The following CDH7 variants were observed in gnomAD, a reference collection of about 807,000 sequenced individuals.
CDH7 encodes the protein cadherin 7, also known as cadherin-7.
Under a neutral mutation model 71.8 loss-of-function variants are expected in CDH7, and 25 were observed. The observed-to-expected ratio is 0.35, with a 90% CI of 0.25 to 0.49. The LOEUF (loss-of-function observed/expected upper bound fraction) is 0.49, where lower values mean the gene tolerates loss of function less well. Among genes scored for constraint, CDH7 ranks in the 20% least tolerant of loss-of-function variants. The pLI, the probability that CDH7 is intolerant of heterozygous loss-of-function variation, is 0.99. For missense variants in CDH7, 862 were observed against 974.6 expected, an observed-to-expected ratio of 0.88 and a Z score of 1.54; for synonymous variants, 381 against 363.8, an observed-to-expected ratio of 1.05 and a Z score of -0.54.
intron 2 of CDH7, among the ~76,000 whole-genome samples, chr18:65,808,390 G>A (rs1023159714): frequency 6.6e-6 from 1 of 151,944 alleles, no homozygotes. Context: ...AATAGTTGAA[G>A]AACACACCTT....
At position 65,889,681 on chromosome 18, in the gene CDH7, G is replaced by C. The variant is rs1213815862; in HGVS notation, c.*8787G>C. On this transcript the variant is annotated 3_prime_UTR_variant, in exon 12 of 12. Transcript: ENST00000397968. ...TGTATACTTGCAAAATAACTAAAGA[G>C]TGTATTTAAGATTTAAATATATCTT... is the stretch of plus-strand genomic sequence containing the variant. 1 of 152,162 alleles carries C rather than the reference G, an allele frequency of 6.6e-6. No individual in the cohort carries two copies. Among genetic ancestry groups the C allele is most frequent in the Non-Finnish European group, 1.5e-5 (1 of 68,028 alleles). 9.4% of individuals were successfully genotyped at this position (152,162 alleles called of 1,614,324 possible). A position where few individuals can be genotyped will look rare whatever the true frequency, so the allele number is the denominator to read the frequency against.
chr18:65,793,193 A>C (rs918846569), intron 2 of CDH7, among the ~76,000 whole-genome samples: 18 of 152,104 alleles, frequency 1.2e-4, no homozygotes, highest in African/African-American at 4.1e-4. Context: ...TAATCTCAGC[A>C]CTTTGGGAGG....
chr18:65,825,267 T>C (rs1912085824), intron 6 of CDH7, among the ~76,000 whole-genome samples: 1 of 151,936 alleles, frequency 6.6e-6, no homozygotes, highest in Non-Finnish European at 1.5e-5. Flanking sequence ...GAAAACTTGC[T>C]ACATTACCAA....
chr18:65,775,883 A>C lies in CDH7; in HGVS notation c.210+12831A>C, dbSNP rs191300845. Among the ~76,000 whole-genome samples, 74 of 152,318 alleles carry C rather than the reference A, an allele frequency of 4.9e-4. 1 individual carries two copies. The highest frequency in any genetic ancestry group is 1.5e-3 in the African/African-American group (62 of 41,584). ...TTCCTTGTTCTCTCGTCTATCAAAA[A>C]GGGACTGTTATGCCAGGTATCCCTC... On this transcript the variant is annotated intron_variant, in intron 2 of 11. Transcript: ENST00000397968.
chr18:65,843,463 A>G (rs2143989690), intron 6 of CDH7, among the ~76,000 whole-genome samples: 1 of 152,298 alleles, frequency 6.6e-6, no homozygotes, highest in Middle Eastern at 3.4e-3. Flanking sequence ...CCTGGGTAGT[A>G]CAGTTAAGTT....
chr18:65,767,272 C>A (rs1916406861), intron 2 of CDH7, among the ~76,000 whole-genome samples: 1 of 152,078 alleles, frequency 6.6e-6, no homozygotes, highest in Admixed American at 6.6e-5. Context: ...TATACCTCAG[C>A]AGTATCTCTC....
rs1295696640 is a variant in CDH7 at position 65,762,681 on chromosome 18, C to T, written c.-162C>T. 5.0e-6 allele frequency: 3 copies of T among 602,352 alleles called. No homozygotes were observed. The highest frequency in any genetic ancestry group is 5.8e-6 in the Non-Finnish European group (2 of 342,514). 37.3% of individuals were successfully genotyped at this position (602,352 alleles called of 1,614,324 possible). ...ACACCATTCTTTGGCGAAGGCTATT[C>T]AGCAGTGGTGACCTCTTCCAATCCA... On this transcript the variant is annotated 5_prime_UTR_variant, in exon 2 of 12. Transcript: ENST00000397968.
chr18:65,795,303 T>C (rs185042074), intron 2 of CDH7, among the ~76,000 whole-genome samples: 176 of 152,300 alleles, frequency 1.2e-3, no homozygotes, highest in African/African-American at 4.0e-3. Context: ...GGCACTTTTT[T>C]TCCCCAACAG....
At chr18:65,754,803 A>G (rs1297654074) in intron 1 of CDH7, among the ~76,000 whole-genome samples, 1 of 152,168 alleles carries the variant, frequency 6.6e-6, no homozygotes, top group East Asian at 1.9e-4. Flanking sequence ...TACAATGTTC[A>G]CTGGGCTGTT....
intron 7 of CDH7, among the ~76,000 whole-genome samples, chr18:65,855,002 T>G (rs1913301584): frequency 6.6e-6 from 1 of 151,720 alleles, no homozygotes; most frequent in Non-Finnish European, 1.5e-5. Flanking sequence ...GTAAGCATAT[T>G]CCACCCTGTA....
At chr18:65,790,723 G>A (rs1436001658) in intron 2 of CDH7, among the ~76,000 whole-genome samples, 1 of 152,128 alleles carries the variant, frequency 6.6e-6, no homozygotes, top group African/African-American at 2.4e-5. Context: ...ACAAAAATTA[G>A]CCTGATGTGG....
At chr18:65,799,497 G>A (rs1024905401) in intron 2 of CDH7, among the ~76,000 whole-genome samples, 4 of 152,050 alleles carry the variant, frequency 2.6e-5, no homozygotes, top group Non-Finnish European at 5.9e-5. Flanking sequence ...CTAAAGAGGT[G>A]AAACCCCGTC....
At chr18:65,841,903 G>T (rs1241316314) in intron 6 of CDH7, among the ~76,000 whole-genome samples, 2 of 152,038 alleles carry the variant, frequency 1.3e-5, no homozygotes, top group African/African-American at 4.8e-5. Flanking sequence ...AACAAAAAAT[G>T]TTAGCCTCAT....
intron 6 of CDH7, among the ~76,000 whole-genome samples, chr18:65,834,730 G>C (rs1437530742): frequency 6.6e-6 from 1 of 152,126 alleles, no homozygotes; most frequent in Non-Finnish European, 1.5e-5. Flanking sequence ...AGGAACTGGA[G>C]CTCTTGCTGA....
intron 2 of CDH7, among the ~76,000 whole-genome samples, chr18:65,764,041 A>G (rs970077746): frequency 6.6e-6 from 1 of 152,040 alleles, no homozygotes; most frequent in Non-Finnish European, 1.5e-5. Context: ...TCACTCTGTC[A>G]GTTTTATATT....
intron 11 of CDH7, among the ~76,000 whole-genome samples, chr18:65,877,124 T>C (rs1276393141): frequency 1.3e-5 from 2 of 152,212 alleles, no homozygotes; most frequent in African/African-American, 4.8e-5. Context: ...TATATGCGCT[T>C]ACATGGTTAG....
intron 2 of CDH7, among the ~76,000 whole-genome samples, chr18:65,776,361 A>AAT (rs1909939008): frequency 7.2e-6 from 1 of 139,636 alleles, no homozygotes; most frequent in East Asian, 2.1e-4. Context: ...GAAAGTACAG[A>AAT]ACACACACAC....
chr18:65,788,240 G>A (rs753689049), intron 2 of CDH7, among the ~76,000 whole-genome samples: 7 of 152,062 alleles, frequency 4.6e-5, no homozygotes, highest in Admixed American at 3.9e-4. Context: ...ATGTACCAAG[G>A]ACACACCACT....
In CDH7 at chr18:65,815,217, A is replaced by G. The variant is rs970732399; in HGVS notation, c.625+613A>G. Among the ~76,000 whole-genome samples, 2 of 152,216 alleles carry G rather than the reference A, an allele frequency of 1.3e-5. 1 individual carries two copies. The highest frequency in any genetic ancestry group is 1.3e-4 in the Admixed American group (2 of 15,276). On this transcript the variant is annotated intron_variant, in intron 4 of 11. Transcript: ENST00000397968. ...AGCTGAAACTGTTTACATTAAGACT[A>G]TAACATGGGACATTGTTATCTTGGT...
Sources: allele counts gnomAD v4.1 joint callset (sites outside exome capture counted in the v4.1 genomes callset), GRCh38; gene constraint gnomAD v4.1.1; transcripts MANE v1.5; gene names NCBI Gene and HGNC (gene_info 2026-07-23, HGNC 2026-07-21).